The following ANO3 variants were observed in gnomAD, a reference collection of about 807,000 sequenced individuals.
ANO3 encodes the protein anoctamin-3.
A neutral mutation model predicts 144.8 loss-of-function variants in ANO3; 99 were observed. The ratio of observed to expected loss-of-function variants is 0.68; its 90% CI spans 0.58 to 0.81. ANO3 has a LOEUF of 0.81. ANO3 is among the 30% of genes least tolerant of loss of function. The pLI is 0.00. For missense variants in ANO3, 905 were observed against 1,202.2 expected (o/e 0.75, Z 3.66); for synonymous variants, 414 against 392.6 (o/e 1.05, Z -0.64).
chr11:26,315,587 A>C (rs1854602697), intron 1 of ANO3, among the ~76,000 whole-genome samples: 2 of 152,018 alleles, frequency 1.3e-5, no homozygotes, highest in Non-Finnish European at 2.9e-5. Flanking sequence ...GTGGGAATAA[A>C]GTTTCACTTT....
intron 1 of ANO3, among the ~76,000 whole-genome samples, chr11:26,351,492 CT>C (rs1421662922): frequency 5.3e-5 from 8 of 152,074 alleles, no homozygotes; most frequent in Non-Finnish European, 8.8e-5. Flanking sequence ...CATACTATTT[CT>C]GTTTATTTAA....
At chr11:26,528,189 C>T (rs11029597) in intron 7 of ANO3, among the ~76,000 whole-genome samples, 5 of 152,038 alleles carry the variant, frequency 3.3e-5, no homozygotes, top group African/African-American at 9.7e-5. Context: ...ATTATAAACA[C>T]GTATTGAGTA....
intron 4 of ANO3, among the ~76,000 whole-genome samples, chr11:26,476,842 G>A (rs1859991548): frequency 6.6e-6 from 1 of 150,860 alleles, no homozygotes; most frequent in South Asian, 2.1e-4. Flanking sequence ...TTAATGACAG[G>A]GAGATGAGTC....
At chr11:26,634,698 A>G (rs933982250) in intron 19 of ANO3, among the ~76,000 whole-genome samples, 12 of 152,222 alleles carry the variant, frequency 7.9e-5, no homozygotes, top group African/African-American at 2.2e-4. Flanking sequence ...AGATAGAAAC[A>G]TTTTGGATCA....
At chr11:26,620,242 T>G (rs1852376350) in intron 17 of ANO3, among the ~76,000 whole-genome samples, 1 of 152,186 alleles carries the variant, frequency 6.6e-6, no homozygotes, top group Non-Finnish European at 1.5e-5. Flanking sequence ...AAAATGTATA[T>G]TCTTGTTGCT....
intron 26 of ANO3, 110 bp from the exon 27 acceptor site, chr11:26,660,152 A>G (rs1328700505): frequency 1.1e-6 from 1 of 919,314 alleles, no homozygotes. Flanking sequence ...GTACATACTA[A>G]GTTCTGATGC....
chr11:26,378,409 T>A (rs536150335), intron 1 of ANO3, among the ~76,000 whole-genome samples: 2 of 55,170 alleles, frequency 3.6e-5, no homozygotes, highest in South Asian at 2.5e-3. Flanking sequence ...TATCTATCTA[T>A]ATATATTATT....
chr11:26,438,072 T>A lies in ANO3; in HGVS notation c.47-3846T>A, dbSNP rs1166838287. Among the ~76,000 whole-genome samples the A allele has an allele frequency of 3.9e-5, 6 of 152,156 alleles. No homozygotes were observed. In the South Asian group the frequency reaches 8.3e-4, roughly 21 times the overall value. On this transcript the variant is annotated intron_variant, in intron 1 of 26. Coordinates refer to ENST00000256737, the MANE Select transcript of ANO3 (RefSeq NM_031418.4). ...AATAAACTGGAAAGTGAGTAGTACA[T>A]TCTTAACTTGAAAAAATATTTATAC...
intron 24 of ANO3, among the ~76,000 whole-genome samples, chr11:26,651,341 G>A (rs941629395): frequency 2.0e-5 from 3 of 152,038 alleles, no homozygotes; most frequent in East Asian, 1.9e-4. Context: ...GAGCTTTGAC[G>A]GAATGTCAAT....
chr11:26,626,902 A>G (rs986049875), intron 18 of ANO3, among the ~76,000 whole-genome samples: 10 of 151,986 alleles, frequency 6.6e-5, no homozygotes, highest in African/African-American at 2.4e-4. Flanking sequence ...CACATTTTCT[A>G]GAATTATTTC....
chr11:26,571,333 A>T (rs1255303158), intron 14 of ANO3, among the ~76,000 whole-genome samples: 1 of 152,158 alleles, frequency 6.6e-6, no homozygotes, highest in African/African-American at 2.4e-5. Context: ...TTTAATAAAA[A>T]AAGAGGCTTA....
chr11:26,234,726 T>G (rs996684996), intron 1 of ANO3, among the ~76,000 whole-genome samples: 8 of 152,180 alleles, frequency 5.3e-5, no homozygotes, highest in Admixed American at 4.6e-4. Flanking sequence ...GCCCACATTA[T>G]GCCCCTTTGT....
intron 4 of ANO3, among the ~76,000 whole-genome samples, chr11:26,469,338 G>A (rs1459165029): frequency 1.3e-5 from 2 of 151,876 alleles, no homozygotes; most frequent in Non-Finnish European, 2.9e-5. Context: ...GTGTGTGCAG[G>A]CGCATGTGAG....
intron 1 of ANO3, among the ~76,000 whole-genome samples, chr11:26,255,973 ATATTCATTT>A (rs1282028841): frequency 1.3e-5 from 2 of 152,170 alleles, no homozygotes; most frequent in African/African-American, 4.8e-5. Flanking sequence ...CTCTGGAATG[ATATTCATTT>A]TATTGGATGG....
chr11:26,210,477 G>C (rs1005239192), intron 1 of ANO3, among the ~76,000 whole-genome samples: 6 of 152,078 alleles, frequency 3.9e-5, no homozygotes, highest in Non-Finnish European at 8.8e-5. Context: ...GCTCTTTTTG[G>C]TTCCATATAA....
chr11:26,251,317 G>A (rs1852922615), intron 1 of ANO3, among the ~76,000 whole-genome samples: 1 of 152,176 alleles, frequency 6.6e-6, no homozygotes, highest in Admixed American at 6.5e-5. Context: ...CTGGATCAAA[G>A]CTGAGGCACA....
intron 17 of ANO3, among the ~76,000 whole-genome samples, chr11:26,619,632 A>G (rs79562356): frequency 0.031 from 4,639 of 152,052 alleles, 101 homozygotes; most frequent in Non-Finnish European, 0.049. Flanking sequence ...ACACCTGGCT[A>G]ATTTTTGTAT....
chr11:26,600,968 C>T (rs531721996), intron 17 of ANO3, among the ~76,000 whole-genome samples: 5 of 152,090 alleles, frequency 3.3e-5, no homozygotes, highest in Non-Finnish European at 7.3e-5. Context: ...CATAGGCCTA[C>T]CTCTTCAATC....
chr11:26,306,160 G>C (rs533344407), upstream of ANO3, among the ~76,000 whole-genome samples: 1 of 143,912 alleles, frequency 6.9e-6, no homozygotes, highest in African/African-American at 2.6e-5. Context: ...ATTTTTGGTA[G>C]AGACGGGGTT....
Sources: gnomAD v4.1 joint callset for allele counts (sites outside exome capture counted in the v4.1 genomes callset) on GRCh38, gnomAD v4.1.1 for gene constraint, MANE v1.5 for transcripts, NCBI Gene and HGNC (gene_info 2026-07-23, HGNC 2026-07-21) for gene names.